Variants in TRHDE observed in about 807,000 individuals in gnomAD.
TRHDE encodes thyrotropin releasing hormone degrading enzyme, also known as thyrotropin-releasing hormone-degrading ectoenzyme.
TRHDE carries 72 observed loss-of-function variants against 125.7 expected under a neutral mutation model. The ratio of observed to expected loss-of-function variants is 0.57; its 90% CI spans 0.47 to 0.70. TRHDE has a LOEUF of 0.70. Among genes scored for constraint, TRHDE ranks in the 30% least tolerant of loss-of-function variants. The probability of loss-of-function intolerance (pLI) is 0.00; values close to 1 mark genes in which losing one functional copy is unlikely to be tolerated. For synonymous variants in TRHDE, 509 were observed against 509.1 expected, an observed-to-expected ratio of 1.00 and a Z score of 0.00; for missense variants, 1,110 against 1,327.1, an observed-to-expected ratio of 0.84 and a Z score of 2.54.
intron 2 of TRHDE, among the ~76,000 whole-genome samples, chr12:72,364,160 T>C (rs1871246124): frequency 6.6e-6 from 1 of 151,920 alleles, no homozygotes; most frequent in Non-Finnish European, 1.5e-5. Flanking sequence ...TGCTCATGGG[T>C]AGGAATAATC....
intron 2 of TRHDE, among the ~76,000 whole-genome samples, chr12:72,337,817 T>A (rs374449659): frequency 1.5e-5 from 1 of 66,112 alleles, no homozygotes; most frequent in African/African-American, 4.1e-5. Flanking sequence ...TATTATTATT[T>A]TTATTTTTAT....
At chr12:72,452,031 G>T (rs1875601706) in intron 3 of TRHDE, among the ~76,000 whole-genome samples, 1 of 152,148 alleles carries the variant, frequency 6.6e-6, no homozygotes, top group Non-Finnish European at 1.5e-5. Context: ...GTTTCACTAT[G>T]TCGGCCAGGC....
intron 2 of TRHDE, among the ~76,000 whole-genome samples, chr12:72,132,452 G>A (rs1419560429): frequency 6.6e-6 from 1 of 152,154 alleles, no homozygotes; most frequent in Non-Finnish European, 1.5e-5. Context: ...TTGGGTATAG[G>A]ATTAAAAATT....
chr12:72,663,945 A>T lies in TRHDE; in HGVS notation c.*750A>T, dbSNP rs547950092. 6.6e-6 allele frequency: 1 copy of T among 152,258 alleles called. No homozygotes were observed. Among genetic ancestry groups the T allele is most frequent in the African/African-American group, 2.4e-5 (1 of 41,574 alleles). 9.4% of individuals were successfully genotyped at this position (152,258 alleles called of 1,614,324 possible). Reference sequence around the variant, plus strand: ...GCACATGTACAAAGAATGTCTTCAGATCAAAGAAAATTTATCTCTTTTTAT... The same window carrying T: ...GCACATGTACAAAGAATGTCTTCAGTTCAAAGAAAATTTATCTCTTTTTAT... On this transcript the variant is annotated 3_prime_UTR_variant, in exon 19 of 19. Transcript: ENST00000261180.
intron 2 of TRHDE, among the ~76,000 whole-genome samples, chr12:72,301,140 C>T (rs1001538113): frequency 4.0e-5 from 6 of 151,750 alleles, no homozygotes; most frequent in African/African-American, 1.5e-4. Context: ...TTTTTATTAC[C>T]TGTGTCTCTC....
At chr12:72,210,947 T>C (rs1877768299) in intron 2 of TRHDE, among the ~76,000 whole-genome samples, 1 of 152,238 alleles carries the variant, frequency 6.6e-6, no homozygotes, top group African/African-American at 2.4e-5. Flanking sequence ...AAAGGAGTGT[T>C]GCTTTATTTC....
At chr12:72,235,414 C>G (rs995757345) in intron 2 of TRHDE, among the ~76,000 whole-genome samples, 3 of 152,152 alleles carry the variant, frequency 2.0e-5, no homozygotes, top group African/African-American at 7.2e-5. Context: ...ACACAGCTGA[C>G]AAACTGTAGA....
At chr12:72,182,848 TG>T (rs1196390036) in intron 2 of TRHDE, among the ~76,000 whole-genome samples, 1 of 152,094 alleles carries the variant, frequency 6.6e-6, no homozygotes, top group African/African-American at 2.4e-5. Flanking sequence ...ACAGGGAAAA[TG>T]TCCAGTTTTA....
intron 12 of TRHDE, among the ~76,000 whole-genome samples, chr12:72,603,194 A>T (rs1229272905): frequency 6.6e-6 from 1 of 152,232 alleles, no homozygotes; most frequent in Non-Finnish European, 1.5e-5. Flanking sequence ...TGTTAGAAGC[A>T]GTAAAAAATT....
intron 3 of TRHDE, among the ~76,000 whole-genome samples, chr12:72,429,371 A>AATAATT (rs1282194127): frequency 1.4e-5 from 2 of 147,410 alleles, no homozygotes; most frequent in African/African-American, 5.0e-5. Flanking sequence ...TAATAATAAT[A>AATAATT]ATTTACAGAG....
At chr12:72,422,366 A>G (rs565873913) in intron 3 of TRHDE, among the ~76,000 whole-genome samples, 2 of 152,290 alleles carry the variant, frequency 1.3e-5, no homozygotes, top group South Asian at 2.1e-4. Flanking sequence ...TCAAGTCTAT[A>G]TTCATTAGCT....
intron 1 of TRHDE, among the ~76,000 whole-genome samples, chr12:72,102,694 A>G (rs867856163): frequency 7.9e-5 from 12 of 152,326 alleles, no homozygotes; most frequent in Middle Eastern, 6.8e-3. Context: ...CACTGACAAT[A>G]TACAACTTTC....
At chr12:72,164,089 A>G (rs1302049093) in intron 2 of TRHDE, among the ~76,000 whole-genome samples, 1 of 152,164 alleles carries the variant, frequency 6.6e-6, no homozygotes, top group Admixed American at 6.5e-5. Context: ...CATCCTGGGT[A>G]ACAGGAGCGA....
chr12:72,146,474 T>A (rs934963062), intron 2 of TRHDE, among the ~76,000 whole-genome samples: 2 of 152,208 alleles, frequency 1.3e-5, no homozygotes, highest in African/African-American at 4.8e-5. Context: ...TTTCCAGATA[T>A]GAATATATTT....
chr12:72,127,688 G>A (rs1224050828), intron 2 of TRHDE, among the ~76,000 whole-genome samples: 3 of 152,100 alleles, frequency 2.0e-5, no homozygotes, highest in Non-Finnish European at 4.4e-5. Flanking sequence ...AGGGAGAGAA[G>A]GGGGCAAGGG....
intron 2 of TRHDE, among the ~76,000 whole-genome samples, chr12:72,195,857 G>A (rs1181399373): frequency 1.3e-5 from 2 of 152,074 alleles, no homozygotes; most frequent in Admixed American, 1.3e-4. Flanking sequence ...ATTGTGTGAG[G>A]TCTTTCATTT....
At chr12:72,515,466 C>T (rs917437036) in intron 6 of TRHDE, among the ~76,000 whole-genome samples, 16 of 151,840 alleles carry the variant, frequency 1.1e-4, no homozygotes, top group African/African-American at 3.9e-4. Context: ...ATGTCCTTTG[C>T]TCACTTTTTG....
chr12:72,191,785 A>C (rs1206229434), intron 2 of TRHDE, among the ~76,000 whole-genome samples: 1 of 152,206 alleles, frequency 6.6e-6, no homozygotes, highest in Non-Finnish European at 1.5e-5. Flanking sequence ...TGATTCATGG[A>C]ATGTGCTACA....
At chr12:72,387,799 C>T (rs1258233469) in intron 3 of TRHDE, among the ~76,000 whole-genome samples, 2 of 152,108 alleles carry the variant, frequency 1.3e-5, no homozygotes, top group African/African-American at 4.8e-5. Context: ...CACCCTTTCG[C>T]TTGGTTCTCA....
Sources: gnomAD v4.1 joint callset for allele counts (sites outside exome capture counted in the v4.1 genomes callset) on GRCh38, gnomAD v4.1.1 for gene constraint, MANE v1.5 for transcripts, NCBI Gene and HGNC (gene_info 2026-07-23, HGNC 2026-07-21) for gene names.